The following TIMP2 variants were observed in gnomAD, a reference collection of about 807,000 sequenced individuals.
TIMP2 encodes the protein TIMP metallopeptidase inhibitor 2.
In TIMP2, 5 loss-of-function variants were observed where a neutral mutation model predicts 24.3. That is an observed-to-expected ratio of 0.21 (90% CI 0.11 to 0.43). TIMP2 has a LOEUF of 0.43. Among genes scored for constraint, TIMP2 ranks in the 20% least tolerant of loss-of-function variants. The pLI is 1.00. For missense variants in TIMP2, 221 were observed against 297.5 expected, an observed-to-expected ratio of 0.74 and a Z score of 1.89; for synonymous variants, 130 against 123.2, an observed-to-expected ratio of 1.06 and a Z score of -0.37.
At chr17:78,909,021 T>C (rs900424661) in intron 1 of TIMP2, among the ~76,000 whole-genome samples, 1 of 152,134 alleles carries the variant, frequency 6.6e-6, no homozygotes, top group African/African-American at 2.4e-5. Flanking sequence ...AGGAGAGTCA[T>C]GTGTGTGCGT....
rs1219471072 is a variant in TIMP2 at position 78,891,302 on chromosome 17, A to G, written c.131-17383T>C. On this transcript the variant is annotated intron_variant, in intron 1 of 4. Transcript: ENST00000262768. This position sits in a 1 kb window ranked among gnomAD's most constrained non-coding sequence, Gnocchi z 4.5. ...TGGGCTCCTGGGTTCCCCGGCAGGC[A>G]GCATCTCTGGGTCTGCCATTTTCTT... 1 of 1,550,452 alleles carries G rather than the reference A, an allele frequency of 6.4e-7. No individual in the cohort carries two copies. The highest frequency in any genetic ancestry group is 2.4e-5 in the East Asian group (1 of 40,904).
chr17:78,893,377 G>A, intron 1 of TIMP2, among the ~76,000 whole-genome samples: 6 of 146,338 alleles, frequency 4.1e-5, no homozygotes, highest in African/African-American at 1.6e-4. Context: ...GTGTAGGAGT[G>A]TGTGTGCAGG....
At chr17:78,888,423 G>A (rs1403346924) in intron 1 of TIMP2, among the ~76,000 whole-genome samples, 1 of 151,802 alleles carries the variant, frequency 6.6e-6, no homozygotes, top group Non-Finnish European at 1.5e-5. Context: ...GCCTCCCAAC[G>A]TGCTGGGATT....
intron 3 of TIMP2, among the ~76,000 whole-genome samples, chr17:78,857,947 G>A (rs1049558562): frequency 1.3e-5 from 2 of 152,118 alleles, no homozygotes; most frequent in Admixed American, 6.6e-5. Flanking sequence ...TCACACGCCT[G>A]TAATCCCAGC....
chr17:78,892,763 C>A (rs898539959), intron 1 of TIMP2, among the ~76,000 whole-genome samples: 1 of 152,110 alleles, frequency 6.6e-6, no homozygotes, highest in Non-Finnish European at 1.5e-5. Context: ...GTGCTCCGGG[C>A]CTGCAGCTGG....
chr17:78,889,434 A>C (rs1382664730), intron 1 of TIMP2, among the ~76,000 whole-genome samples: 3 of 152,226 alleles, frequency 2.0e-5, no homozygotes, highest in African/African-American at 7.2e-5. Context: ...TAAAGTTATA[A>C]GAATGTATTA....
intron 1 of TIMP2, among the ~76,000 whole-genome samples, chr17:78,906,778 T>C (rs1465884587): frequency 2.0e-5 from 3 of 152,068 alleles, no homozygotes; most frequent in African/African-American, 7.2e-5. Context: ...AGACGGGGTT[T>C]TACCATGTTG....
intron 1 of TIMP2, among the ~76,000 whole-genome samples, chr17:78,923,804 C>A (rs2070328167): frequency 6.6e-6 from 1 of 152,064 alleles, no homozygotes; most frequent in African/African-American, 2.4e-5. Flanking sequence ...CTAGGGCTAA[C>A]CGGGGTGGGG....
At chr17:78,880,143 A>G (rs2145759852) in intron 1 of TIMP2, among the ~76,000 whole-genome samples, 1 of 152,180 alleles carries the variant, frequency 6.6e-6, no homozygotes, top group East Asian at 1.9e-4. Context: ...GGCACTCTCC[A>G]CAGACTCCAA....
intron 1 of TIMP2, chr17:78,922,061 C>A (rs1377987353): frequency 6.6e-6 from 1 of 152,236 alleles, no homozygotes; most frequent in Non-Finnish European, 1.5e-5. Context: ...GTTAAATCAC[C>A]TGTGGGCCTT....
At chr17:78,873,570 G>A (rs561114447) in intron 2 of TIMP2, among the ~76,000 whole-genome samples, 1 of 152,344 alleles carries the variant, frequency 6.6e-6, no homozygotes, top group East Asian at 1.9e-4. Context: ...TGGGATTACA[G>A]GTGTGAGCCG....
At chr17:78,863,908 C>G (rs2069587103) in intron 3 of TIMP2, among the ~76,000 whole-genome samples, 1 of 152,290 alleles carries the variant, frequency 6.6e-6, no homozygotes, top group Middle Eastern at 3.4e-3. Flanking sequence ...CTGTCATCAT[C>G]CCCCATGTAC....
At chr17:78,922,391 C>T in intron 1 of TIMP2, 1 of 152,180 alleles carries the variant, frequency 6.6e-6, no homozygotes, top group Admixed American at 6.5e-5. Context: ...ATTACGTCCC[C>T]CCTCAAATGC....
rs541162688 is a variant in TIMP2, at chr17:78,873,831, G to T, written c.219C>A (p.Ile73=). Residue 73 remains isoleucine (I), a synonymous_variant, in exon 2 of 5, where the codon ATC becomes ATA. Coordinates refer to ENST00000262768, the MANE Select transcript of TIMP2 (RefSeq NM_003255.5). ...CAGCCACTATTACCTTTATCTGCTTGATCTCATACTGGATCCTCTTGATAG... is the reference window on the plus strand; with the variant it reads ...CAGCCACTATTACCTTTATCTGCTTTATCTCATACTGGATCCTCTTGATAG... ...GNPIKRIQYE[I]KQIKMFKGPE... 4 of 1,612,532 alleles carry T rather than the reference G, an allele frequency of 2.5e-6. No homozygotes were observed. In the South Asian group the frequency reaches 4.4e-5, roughly 18 times the overall value.
intron 1 of TIMP2, among the ~76,000 whole-genome samples, chr17:78,916,900 A>C (rs1377481876): frequency 6.6e-6 from 1 of 152,046 alleles, no homozygotes; most frequent in African/African-American, 2.4e-5. Flanking sequence ...GGCTTATCTT[A>C]GCTCTGATAA....
chr17:78,863,915 G>A (rs943659350), intron 3 of TIMP2, among the ~76,000 whole-genome samples: 6 of 152,134 alleles, frequency 3.9e-5, no homozygotes, highest in Admixed American at 2.0e-4. Context: ...CATCCCCCAT[G>A]TACGGATCGG....
At chr17:78,886,520 A>C (rs2069826647) in intron 1 of TIMP2, among the ~76,000 whole-genome samples, 1 of 152,166 alleles carries the variant, frequency 6.6e-6, no homozygotes, top group African/African-American at 2.4e-5. Flanking sequence ...GCTGGGCACA[A>C]GGCAAGTGCA....
intron 1 of TIMP2, chr17:78,900,085 G>A (rs1376895636): frequency 6.6e-6 from 1 of 152,100 alleles, no homozygotes; most frequent in Non-Finnish European, 1.5e-5. Context: ...TGATAATATA[G>A]GAAATCCCTC....
At position 78,891,508 on chromosome 17, in the gene TIMP2, C is replaced by T. The variant is rs1477852469; in HGVS notation, c.131-17589G>A. ...GCTCTTTCTGCCACTTGTTCTTCTC[C>T]CGGAGCGTGCACTGAGATGCTGGGG... On this transcript the variant is annotated intron_variant, in intron 1 of 4. Coordinates refer to ENST00000262768, the MANE Select transcript of TIMP2 (RefSeq NM_003255.5). The surrounding 1 kb of genome is among the most constrained non-coding windows in gnomAD (Gnocchi z 4.5). 3 of 1,551,060 alleles carry T rather than the reference C, an allele frequency of 1.9e-6. No homozygotes were observed. In the East Asian group the frequency reaches 7.3e-5, roughly 38 times the overall value.
Sources: allele counts gnomAD v4.1 joint callset (sites outside exome capture counted in the v4.1 genomes callset), GRCh38; gene constraint gnomAD v4.1.1; non-coding constraint Gnocchi (gnomAD v3.1); transcripts MANE v1.5; gene names NCBI Gene and HGNC (gene_info 2026-07-23, HGNC 2026-07-21).